Variants in TECTA observed in about 807,000 individuals in gnomAD.
TECTA encodes the protein tectorin alpha.
TECTA carries 128 observed loss-of-function variants against 216.8 expected under a neutral mutation model. That is an observed-to-expected ratio of 0.59 (90% CI 0.51 to 0.68). TECTA has a LOEUF of 0.68. Among genes scored for constraint, TECTA ranks in the 30% least tolerant of loss-of-function variants. The pLI is 0.00. For synonymous variants in TECTA, 1,089 were observed against 1,117.1 expected (o/e 0.97, Z 0.50); for missense variants, 2,551 against 2,786.2 (o/e 0.92, Z 1.90).
In TECTA at chr11:121,148,916, C is replaced by T. The variant is rs565436101; in HGVS notation, c.4105+2800C>T. 5.8e-4 allele frequency among the ~76,000 whole-genome samples: 88 copies of T among 152,308 alleles called. No individual in the cohort carries two copies. In the South Asian group the frequency reaches 0.012, roughly 20 times the overall value. ...TAGCCTCTCCTTAAAATTCATTGAG[C>T]TGAGTCTATCATTCTTTCAGTCCCT... On this transcript the variant is annotated intron_variant, in intron 12 of 23. Coordinates refer to ENST00000392793, the MANE Select transcript of TECTA (RefSeq NM_005422.4).
rs369601428 is a variant in TECTA, at chr11:121,113,214, G to A, written c.624+5G>A. 4.3e-6 allele frequency: 7 copies of A among 1,613,790 alleles called. No homozygotes were observed. The African/African-American group carries it at 9.4e-5, about 22-fold the overall frequency. ...CTTGGTGGAGTGATGGCACAGGTAG[G>A]TGGCTCTCCACTTCATCCCCCGCGT... On this transcript the variant is annotated splice_donor_5th_base_variant and intron_variant, in intron 5 of 23. Coordinates refer to ENST00000392793, the MANE Select transcript of TECTA (RefSeq NM_005422.4). The surrounding 1 kb of genome is among the most constrained non-coding windows in gnomAD (Gnocchi z 4.2).
chr11:121,137,364 T>G, intron 10 of TECTA, 57 bp from the exon 11 acceptor site: 1 of 1,612,276 alleles, frequency 6.2e-7, no homozygotes, highest in South Asian at 1.1e-5. Context: ...GCACGCACAC[T>G]TCTGTCTCTG....
At chr11:121,119,179 C>T (rs1488456840) in intron 7 of TECTA, among the ~76,000 whole-genome samples, 1 of 152,094 alleles carries the variant, frequency 6.6e-6, no homozygotes, top group Non-Finnish European at 1.5e-5. Flanking sequence ...AATCCTCACC[C>T]CACCTCAGCC....
intron 13 of TECTA, 94 bp downstream of exon 13, chr11:121,153,174 T>G: frequency 6.9e-7 from 1 of 1,442,628 alleles, no homozygotes; most frequent in Non-Finnish European, 9.4e-7. Flanking sequence ...TTTTCCCACT[T>G]CATTATGAAG....
chr11:121,145,485 C>T (rs1457353170), intron 11 of TECTA, 70 bp from the exon 12 acceptor site: 6 of 1,535,492 alleles, frequency 3.9e-6, no homozygotes, highest in Admixed American at 1.7e-5. Context: ...TCAAGAGACT[C>T]ATCGTTAGGA....
intron 7 of TECTA, among the ~76,000 whole-genome samples, chr11:121,123,108 C>T (rs1434751152): frequency 2.0e-5 from 3 of 152,122 alleles, no homozygotes; most frequent in South Asian, 2.1e-4. Context: ...GGTAAGAGTG[C>T]CAGACAGTCT....
chr11:121,106,396 G>A (rs1946390542), intron 3 of TECTA, among the ~76,000 whole-genome samples: 1 of 152,178 alleles, frequency 6.6e-6, no homozygotes, highest in South Asian at 2.1e-4. Context: ...GAACACAGTA[G>A]GGGGGTAATC....
chr11:121,154,341 C>T (rs1193690308), intron 13 of TECTA, among the ~76,000 whole-genome samples: 2 of 152,074 alleles, frequency 1.3e-5, no homozygotes, highest in East Asian at 3.9e-4. Context: ...ATTAGAAAGA[C>T]AGGGAGGAAG....
Position 121,113,317 on chromosome 11 carries a change from G to A in TECTA, c.624+108G>A, listed in dbSNP as rs1283443620. 5.7e-6 allele frequency: 9 copies of A among 1,585,300 alleles called. No individual in the cohort carries two copies. The highest frequency in any genetic ancestry group is 4.0e-5 in the African/African-American group (3 of 74,340). On this transcript the variant is annotated intron_variant, in intron 5 of 23. Coordinates refer to ENST00000392793, the MANE Select transcript of TECTA (RefSeq NM_005422.4). This position sits in a 1 kb window ranked among gnomAD's most constrained non-coding sequence, Gnocchi z 4.2. ...CTGCCACCAGCTTTTAACTAGAGAC[G>A]CAGGTCTGATCTCGCAGGTGGACTA... is the stretch of plus-strand genomic sequence containing the variant.
chr11:121,111,398 G>A (rs866798943), intron 4 of TECTA, among the ~76,000 whole-genome samples: 6 of 152,174 alleles, frequency 3.9e-5, no homozygotes, highest in African/African-American at 9.7e-5. Flanking sequence ...TGCCTCCTGC[G>A]GGTATTGCTG....
intron 7 of TECTA, among the ~76,000 whole-genome samples, chr11:121,121,118 A>G (rs975528131): frequency 6.6e-6 from 1 of 152,174 alleles, no homozygotes; most frequent in African/African-American, 2.4e-5. Flanking sequence ...CCCCATCCTC[A>G]ATTTCCTCAT....
chr11:121,133,040 A>AT (rs1342894309), intron 10 of TECTA, among the ~76,000 whole-genome samples: 1 of 151,974 alleles, frequency 6.6e-6, no homozygotes, highest in Non-Finnish European at 1.5e-5. Context: ...CCAGTTTTCC[A>AT]TTTTTTAGTT....
At chr11:121,157,731 C>T in intron 13 of TECTA, 110 bp from the exon 14 acceptor site, 1 of 1,508,318 alleles carries the variant, frequency 6.6e-7, no homozygotes, top group Admixed American at 1.7e-5. Flanking sequence ...AATTCCAGCC[C>T]CATTAAAGAT....
rs932780269 is a variant in TECTA at position 121,144,812 on chromosome 11, C to T, written c.3544-743C>T. Among the ~76,000 whole-genome samples, 8 of 152,166 alleles carry T rather than the reference C, an allele frequency of 5.3e-5. No individual in the cohort carries two copies. In the East Asian group the frequency reaches 1.5e-3, roughly 29 times the overall value. On this transcript the variant is annotated intron_variant, in intron 11 of 23. Transcript: ENST00000392793. ...AAAGATCAATAAAATGTGGTTCCTG[C>T]CCTCAAGTTGCCCATAATCTTGTAG...
At position 121,113,015 on chromosome 11, in the gene TECTA, G is replaced by A; in HGVS notation, c.487-57G>A. 1 of 1,611,186 alleles carries A rather than the reference G, an allele frequency of 6.2e-7. No individual in the cohort carries two copies. Among genetic ancestry groups the A allele is most frequent in the Non-Finnish European group, 8.5e-7 (1 of 1,178,744 alleles). ...CGCAGGGTGAAGGGAGGACCTCCTT[G>A]GGGCCAGGACCTCCTGGGGAGTGCA... On this transcript the variant is annotated intron_variant, in intron 4 of 23. Transcript: ENST00000392793. The surrounding 1 kb of genome is among the most constrained non-coding windows in gnomAD (Gnocchi z 4.2).
intron 7 of TECTA, among the ~76,000 whole-genome samples, chr11:121,119,038 C>CACAG (rs1946531996): frequency 1.3e-5 from 2 of 149,262 alleles, no homozygotes; most frequent in South Asian, 2.2e-4. Flanking sequence ...CACACACACA[C>CACAG]AGTTCAGAAA....
intron 10 of TECTA, among the ~76,000 whole-genome samples, chr11:121,132,889 T>A (rs997413589): frequency 6.6e-6 from 1 of 151,310 alleles, no homozygotes; most frequent in Non-Finnish European, 1.5e-5. Flanking sequence ...ACCTGGCTAA[T>A]TTTTTTTGTG....
chr11:121,179,962 G>T lies in TECTA; in HGVS notation c.6000-7870G>T, dbSNP rs200058854. Among the ~76,000 whole-genome samples, 422 of 129,516 alleles carry T rather than the reference G, an allele frequency of 3.3e-3. 12 individuals carry two copies. The East Asian group carries it at 0.041, about 12-fold the overall frequency. The allele number at this position is 129,516 out of a possible 152,430, so 85.0% of individuals were successfully genotyped here. A position where few individuals can be genotyped will look rare whatever the true frequency, so the allele number is the denominator to read the frequency against. On this transcript the variant is annotated intron_variant, in intron 20 of 23. Coordinates refer to ENST00000392793, the MANE Select transcript of TECTA (RefSeq NM_005422.4). Reference sequence around the variant, plus strand: ...GGCAGCATATATTTGAGTTTTTTTTGTTTGTTTGTTTGTTTTTTTTTTTTT... The same window carrying T: ...GGCAGCATATATTTGAGTTTTTTTTTTTTGTTTGTTTGTTTTTTTTTTTTT...
Position 121,158,012 on chromosome 11 carries a change from G to A in TECTA, c.4477G>A (p.Gly1493Ser), listed in dbSNP as rs1360905168. 10 of 1,612,732 alleles carry A rather than the reference G, an allele frequency of 6.2e-6. No homozygotes were observed. The highest frequency in any genetic ancestry group is 3.3e-5 in the Admixed American group (2 of 59,988). ...CTCCTACTGCCTGGCGGCCGGCGGC[G>A]GCGTCTTCCGCACCTTCGACGGCGC... is the stretch of plus-strand genomic sequence containing the variant. ...KTSYCLAAGGGVFRTFDGAFL... is the reference protein window; with the variant it reads ...KTSYCLAAGGSVFRTFDGAFL... Residue 1493 changes from glycine (G) to serine (S), a missense_variant, in exon 14 of 24, where the codon GGC becomes AGC. Transcript: ENST00000392793.
Sources: gnomAD v4.1 joint callset for allele counts (sites outside exome capture counted in the v4.1 genomes callset) on GRCh38, gnomAD v4.1.1 for gene constraint, Gnocchi (gnomAD v3.1) non-coding constraint, MANE v1.5 for transcripts, NCBI Gene and HGNC (gene_info 2026-07-23, HGNC 2026-07-21) for gene names.